TACR1: variants seen among roughly 807,000 people sequenced by gnomAD.
The protein encoded by TACR1 is substance-P receptor.
Under a neutral mutation model 35.8 loss-of-function variants are expected in TACR1, and 25 were observed. The ratio of observed to expected loss-of-function variants is 0.70; its 90% CI spans 0.51 to 0.98. The LOEUF (loss-of-function observed/expected upper bound fraction) is 0.98, where lower values mean the gene tolerates loss of function less well. Ranked by LOEUF, TACR1 falls within the 50% of genes least tolerant of loss-of-function variation. TACR1 has a pLI of 0.00. For synonymous variants in TACR1, 195 were observed against 206.7 expected (o/e 0.94, Z 0.48); for missense variants, 478 against 522.9 (o/e 0.91, Z 0.84).
intron 1 of TACR1, chr2:75,154,488 C>CCCCACACACACACA (rs1553380980): frequency 1.9e-5 from 1 of 53,542 alleles, no homozygotes; most frequent in African/African-American, 7.4e-5. Flanking sequence ...CACTAACCCA[C>CCCCACACACACACA]CACACACACA....
Position 75,198,645 on chromosome 2 carries a change from T to C in TACR1, c.290A>G (p.Glu97Gly). The C allele has an allele frequency of 1.2e-6, 2 of 1,614,216 alleles. No homozygotes were observed. The highest frequency in any genetic ancestry group is 1.7e-6 in the Non-Finnish European group (2 of 1,180,022). Residue 97 changes from glutamate (E) to glycine (G), a missense_variant, in exon 1 of 5, where the codon GAA becomes GGA. Coordinates refer to ENST00000305249, the MANE Select transcript of TACR1 (RefSeq NM_001058.4). ...GCAGTAGAACAGGCCGTAGTACCAT[T>C]CGTTGTGGACAGCATAGGTGAAGTT... ...VVNFTYAVHN[E>G]WYYGLFYCKF...
intron 1 of TACR1, among the ~76,000 whole-genome samples, chr2:75,143,926 T>C (rs1000910615): frequency 2.0e-5 from 3 of 152,168 alleles, no homozygotes; most frequent in African/African-American, 7.2e-5. Context: ...GGGTACATAG[T>C]GTAACCTCCC....
intron 2 of TACR1, among the ~76,000 whole-genome samples, chr2:75,088,057 G>A (rs1673223711): frequency 6.6e-6 from 1 of 152,162 alleles, no homozygotes; most frequent in Non-Finnish European, 1.5e-5. Context: ...TTCTCTAGCT[G>A]ACGTCTACCT....
chr2:75,149,685 A>G (rs569912293), intron 1 of TACR1, among the ~76,000 whole-genome samples: 5 of 152,288 alleles, frequency 3.3e-5, no homozygotes, highest in African/African-American at 1.2e-4. Flanking sequence ...TCATCTGCGA[A>G]CAGAGACAAT....
At chr2:75,054,978 T>C (rs72916581) in intron 2 of TACR1, among the ~76,000 whole-genome samples, 1,651 of 152,292 alleles carry the variant, frequency 0.011, 30 homozygotes, top group African/African-American at 0.038. Context: ...GGAAACCACA[T>C]TTAGAATTTA....
chr2:75,150,675 A>G (rs1413285487), intron 1 of TACR1, among the ~76,000 whole-genome samples: 1 of 152,160 alleles, frequency 6.6e-6, no homozygotes, highest in Non-Finnish European at 1.5e-5. Context: ...AATACAATAA[A>G]CTGGTACCAG....
At chr2:75,169,715 T>C (rs1189385509) in intron 1 of TACR1, among the ~76,000 whole-genome samples, 1 of 152,234 alleles carries the variant, frequency 6.6e-6, no homozygotes, top group African/African-American at 2.4e-5. Context: ...TTCTGGAAAG[T>C]AGATTCTGCT....
chr2:75,197,420 T>C (rs1046543867), intron 1 of TACR1, among the ~76,000 whole-genome samples: 1 of 152,210 alleles, frequency 6.6e-6, no homozygotes, highest in Non-Finnish European at 1.5e-5. Flanking sequence ...GTTTCTCACA[T>C]TCAGTTATCT....
intron 2 of TACR1, among the ~76,000 whole-genome samples, chr2:75,112,716 C>T (rs1392037740): frequency 6.6e-6 from 1 of 151,974 alleles, no homozygotes; most frequent in Non-Finnish European, 1.5e-5. Flanking sequence ...TTCTTCAACA[C>T]TACATTTTAA....
At chr2:75,173,459 GTTAT>G (rs1300263886) in intron 1 of TACR1, among the ~76,000 whole-genome samples, 1 of 152,112 alleles carries the variant, frequency 6.6e-6, no homozygotes, top group Non-Finnish European at 1.5e-5. Context: ...GACTTTTGGG[GTTAT>G]TTATCAAACC....
At chr2:75,081,239 A>G (rs762085377) in intron 2 of TACR1, among the ~76,000 whole-genome samples, 2 of 152,216 alleles carry the variant, frequency 1.3e-5, no homozygotes, top group African/African-American at 2.4e-5. Flanking sequence ...AAAAAATTGT[A>G]TAACGGGCGT....
chr2:75,159,727 G>C (rs1194417367), intron 1 of TACR1, among the ~76,000 whole-genome samples: 2 of 152,080 alleles, frequency 1.3e-5, no homozygotes, highest in Non-Finnish European at 2.9e-5. Flanking sequence ...TCTTGCACTG[G>C]CTTGAGGCTA....
chr2:75,066,025 C>A (rs955540047), intron 2 of TACR1, among the ~76,000 whole-genome samples: 2 of 152,196 alleles, frequency 1.3e-5, no homozygotes, highest in Non-Finnish European at 2.9e-5. Context: ...CTTAATACAG[C>A]CACTACTAAC....
chr2:75,080,057 A>G (rs1328869908), intron 2 of TACR1, among the ~76,000 whole-genome samples: 1 of 152,172 alleles, frequency 6.6e-6, no homozygotes, highest in Admixed American at 6.5e-5. Flanking sequence ...AATCTTGCAA[A>G]AGGTTATTAT....
intron 1 of TACR1, among the ~76,000 whole-genome samples, chr2:75,191,095 C>A (rs1460177938): frequency 5.3e-5 from 8 of 152,178 alleles, no homozygotes; most frequent in Non-Finnish European, 1.2e-4. Context: ...CAGAGAGCTT[C>A]ATATTTCCCC....
In TACR1 at chr2:75,094,679, G is replaced by A. The variant is rs76986974; in HGVS notation, c.584+25895C>T. Reference sequence around the variant, plus strand: ...TGGTGGTGATAGAGGTGGAGGTGGTGGAGGTGAGGAAGTGGTGGAAATGGT... The same window carrying A: ...TGGTGGTGATAGAGGTGGAGGTGGTAGAGGTGAGGAAGTGGTGGAAATGGT... On this transcript the variant is annotated intron_variant, in intron 2 of 4. Coordinates refer to ENST00000305249, the MANE Select transcript of TACR1 (RefSeq NM_001058.4). Among the ~76,000 whole-genome samples the A allele has an allele frequency of 1.3e-4, 19 of 151,728 alleles. No homozygotes were observed. In the East Asian group the frequency reaches 3.7e-3, roughly 29 times the overall value.
chr2:75,141,096 A>C (rs1369558173), intron 1 of TACR1, among the ~76,000 whole-genome samples: 1 of 152,188 alleles, frequency 6.6e-6, no homozygotes, highest in African/African-American at 2.4e-5. Flanking sequence ...GGAAGGTCTC[A>C]TTGGGCAACA....
chr2:75,180,707 T>G (rs1274973512), intron 1 of TACR1, among the ~76,000 whole-genome samples: 2 of 152,176 alleles, frequency 1.3e-5, no homozygotes, highest in African/African-American at 2.4e-5. Context: ...TGGCAGCTGG[T>G]TGGCCCCAGG....
intron 2 of TACR1, among the ~76,000 whole-genome samples, chr2:75,067,091 G>A (rs953432153): frequency 4.6e-5 from 7 of 152,198 alleles, no homozygotes; most frequent in African/African-American, 1.7e-4. Flanking sequence ...GAGGGTCCGA[G>A]GGGAGCAGTG....
Sources: allele counts gnomAD v4.1 joint callset (sites outside exome capture counted in the v4.1 genomes callset), GRCh38; gene constraint gnomAD v4.1.1; transcripts MANE v1.5; gene names NCBI Gene and HGNC (gene_info 2026-07-23, HGNC 2026-07-21).